NFIB: variants seen among roughly 807,000 people sequenced by gnomAD.
The protein encoded by NFIB is nuclear factor 1 B-type.
A neutral mutation model predicts 61.5 loss-of-function variants in NFIB; 11 were observed. The ratio of observed to expected loss-of-function variants is 0.18; its 90% CI spans 0.11 to 0.30. The LOEUF is 0.30. NFIB is among the 10% of genes least tolerant of loss of function. The pLI is 1.00. For missense variants in NFIB, 471 were observed against 608.9 expected (o/e 0.77, Z 2.38); for synonymous variants, 260 against 216.5 (o/e 1.20, Z -1.76).
At chr9:14,096,136 G>C (rs963702535) in intron 10 of NFIB, among the ~76,000 whole-genome samples, 1 of 152,120 alleles carries the variant, frequency 6.6e-6, no homozygotes, top group African/African-American at 2.4e-5. Flanking sequence ...ACTGGCTGTC[G>C]AGGGAACTGA....
chr9:14,284,335 T>A (rs2058572939), intron 2 of NFIB, among the ~76,000 whole-genome samples: 1 of 152,142 alleles, frequency 6.6e-6, no homozygotes, highest in African/African-American at 2.4e-5. Flanking sequence ...GAAAGGGAAG[T>A]CATTTCTGGA....
At chr9:14,494,489 A>T in the NFIB span, among the ~76,000 whole-genome samples, 1 of 152,204 alleles carries the variant, frequency 6.6e-6, no homozygotes, top group African/African-American at 2.4e-5. Flanking sequence ...GGTCCTTCTT[A>T]GCCTGGACTG....
chr9:14,266,160 A>G (rs2057184038), intron 2 of NFIB, among the ~76,000 whole-genome samples: 1 of 152,306 alleles, frequency 6.6e-6, no homozygotes, highest in Non-Finnish European at 1.5e-5. Flanking sequence ...CCCTTCCTTG[A>G]CAGCTCCACT....
chr9:14,437,845 G>C, the NFIB span, among the ~76,000 whole-genome samples: 1 of 152,214 alleles, frequency 6.6e-6, no homozygotes, highest in Admixed American at 6.5e-5. Flanking sequence ...CCATCACTGG[G>C]CTGGAGGCCA....
the NFIB span, among the ~76,000 whole-genome samples, chr9:14,433,876 T>A: frequency 6.6e-6 from 1 of 152,198 alleles, no homozygotes; most frequent in African/African-American, 2.4e-5. Context: ...TGGTTGCAAA[T>A]GTTGTTTAGA....
chr9:14,205,296 G>A (rs1480303169), intron 2 of NFIB, among the ~76,000 whole-genome samples: 1 of 130,204 alleles, frequency 7.7e-6, no homozygotes, highest in African/African-American at 2.9e-5. Flanking sequence ...AAGAAGAAAG[G>A]AAGGGGAATG....
At chr9:14,298,649 C>A (rs2059580180) in intron 2 of NFIB, among the ~76,000 whole-genome samples, 1 of 152,132 alleles carries the variant, frequency 6.6e-6, no homozygotes. Flanking sequence ...CAGACGGACG[C>A]CTTGAATCCA....
At chr9:14,454,320 T>C in the NFIB span, among the ~76,000 whole-genome samples, 5 of 152,268 alleles carry the variant, frequency 3.3e-5, no homozygotes, top group Admixed American at 1.3e-4. Flanking sequence ...ATTATGTTGC[T>C]ATTTAGCTGC....
intron 2 of NFIB, among the ~76,000 whole-genome samples, chr9:14,226,566 C>G (rs1387331023): frequency 6.8e-6 from 1 of 146,652 alleles, no homozygotes; most frequent in Admixed American, 6.8e-5. Flanking sequence ...AAAAAAAAAG[C>G]AATGAATATA....
intron 2 of NFIB, among the ~76,000 whole-genome samples, chr9:14,182,450 T>C (rs1469555134): frequency 6.6e-6 from 1 of 152,166 alleles, no homozygotes; most frequent in African/African-American, 2.4e-5. Flanking sequence ...TAATCTACTC[T>C]TAACTCTTAT....
At chr9:14,485,314 T>G in the NFIB span, among the ~76,000 whole-genome samples, 1 of 152,128 alleles carries the variant, frequency 6.6e-6, no homozygotes, top group Non-Finnish European at 1.5e-5. Flanking sequence ...TTATATTTAA[T>G]CTAAACCCCA....
the NFIB span, among the ~76,000 whole-genome samples, chr9:14,450,304 C>T: frequency 6.6e-6 from 1 of 152,134 alleles, no homozygotes; most frequent in Non-Finnish European, 1.5e-5. Flanking sequence ...GAAAAGAAAA[C>T]ATCTATACCC....
chr9:14,207,776 AC>A (rs1163931725), intron 2 of NFIB, among the ~76,000 whole-genome samples: 9 of 152,130 alleles, frequency 5.9e-5, no homozygotes, highest in African/African-American at 2.2e-4. Context: ...GCTGTACTTA[AC>A]CAGAGTTCAA....
chr9:14,294,908 T>C (rs183672889), intron 2 of NFIB, among the ~76,000 whole-genome samples: 23 of 152,226 alleles, frequency 1.5e-4, no homozygotes, highest in Admixed American at 4.6e-4. Flanking sequence ...AGGGGTGCAG[T>C]TCAGTGGCCG....
chr9:14,273,000 C>T (rs1185450727), intron 2 of NFIB, among the ~76,000 whole-genome samples: 1 of 151,948 alleles, frequency 6.6e-6, no homozygotes, highest in Non-Finnish European at 1.5e-5. Context: ...TTTAGTCAGC[C>T]TAGACTAAAA....
intron 6 of NFIB, among the ~76,000 whole-genome samples, chr9:14,145,165 T>C (rs1223513628): frequency 6.6e-6 from 1 of 151,878 alleles, no homozygotes; most frequent in Non-Finnish European, 1.5e-5. Flanking sequence ...TCCAGTTGAG[T>C]TTCATATCCT....
chr9:14,111,557 A>C (rs975743455), intron 10 of NFIB, among the ~76,000 whole-genome samples: 16 of 152,226 alleles, frequency 1.1e-4, no homozygotes, highest in Admixed American at 8.5e-4. Context: ...ACAAGTTTCT[A>C]AACTTATACA....
At chr9:14,477,215 G>A in the NFIB span, among the ~76,000 whole-genome samples, 1 of 152,142 alleles carries the variant, frequency 6.6e-6, no homozygotes, top group East Asian at 1.9e-4. Context: ...AGAAGTGACT[G>A]CTTACCAAGT....
chr9:14,416,521 C>A, the NFIB span, among the ~76,000 whole-genome samples: 7 of 150,532 alleles, frequency 4.7e-5, no homozygotes, highest in Non-Finnish European at 5.9e-5. Flanking sequence ...AAAAAAATTA[C>A]AAATAAAAGA....
Sources: gnomAD v4.1 joint callset for allele counts (sites outside exome capture counted in the v4.1 genomes callset) on GRCh38, gnomAD v4.1.1 for gene constraint, MANE v1.5 for transcripts, NCBI Gene and HGNC (gene_info 2026-07-23, HGNC 2026-07-21) for gene names.